Variants in TMEM41B observed in about 807,000 individuals in gnomAD.
TMEM41B encodes protein stasimon.
TMEM41B carries 18 observed loss-of-function variants against 31.9 expected under a neutral mutation model. The ratio of observed to expected loss-of-function variants is 0.56; its 90% CI spans 0.39 to 0.84. TMEM41B has a LOEUF of 0.84. Ranked by LOEUF, TMEM41B falls within the 40% of genes least tolerant of loss-of-function variation. The pLI is 0.00. For missense variants in TMEM41B, 322 were observed against 348.0 expected (o/e 0.93, Z 0.59); for synonymous variants, 144 against 124.3 (o/e 1.16, Z -1.05).
intron 1 of TMEM41B, among the ~76,000 whole-genome samples, chr11:9,308,357 C>T (rs926235805): frequency 2.6e-5 from 4 of 152,082 alleles, no homozygotes; most frequent in Non-Finnish European, 5.9e-5. Flanking sequence ...CAACCTTGGA[C>T]ATTTTAAATC....
chr11:9,311,235 G>A lies in TMEM41B; in HGVS notation c.121+3086C>T. 3.4e-6 allele frequency: 5 copies of A among 1,482,098 alleles called. No individual in the cohort carries two copies. In the South Asian group the frequency reaches 5.6e-5, roughly 17 times the overall value. The allele number at this position is 1,482,098 out of a possible 1,614,324, so 91.8% of individuals were successfully genotyped here. A position where few individuals can be genotyped will look rare whatever the true frequency, so the allele number is the denominator to read the frequency against. On this transcript the variant is annotated intron_variant, in intron 1 of 6. Coordinates refer to ENST00000528080, the MANE Select transcript of TMEM41B (RefSeq NM_015012.4). The stretch of plus-strand genomic sequence containing the variant: ...ACATGGCATCTGAAGCTTGATAGGA[G>A]AGCAGAACTGGTGAGACTTGAGGGA...
chr11:9,314,339 T>C lies in TMEM41B; in HGVS notation c.103A>G (p.Ser35Gly), dbSNP rs376485821. ...AGTRGLAAPG[S>G]RDHQKEKSWV... ...CACTCACCCTTCTGGTGGTCTCTGC[T>C]GCCAGGCGCCGCGAGACCCCGCGTC... The change falls in exon 1 of 7, where the codon AGC (serine) becomes GGC (glycine). Residue 35 changes from serine (S) to glycine (G), a missense_variant. Physicochemically the swap from Ser to Gly is moderately conservative, Grantham distance 56 (BLOSUM62 0). Coordinates refer to ENST00000528080, the MANE Select transcript of TMEM41B (RefSeq NM_015012.4). 3.2e-5 allele frequency: 51 copies of C among 1,597,074 alleles called. No individual in the cohort carries two copies. In the African/African-American group the frequency reaches 5.8e-4, roughly 18 times the overall value.
intron 6 of TMEM41B, 104 bp downstream of exon 6, chr11:9,286,351 G>T: frequency 1.7e-6 from 2 of 1,189,738 alleles, no homozygotes; most frequent in Non-Finnish European, 2.3e-6. Flanking sequence ...ATTCTAGATG[G>T]TGCTGGCATA....
chr11:9,306,543 G>A (rs989731633), intron 1 of TMEM41B, among the ~76,000 whole-genome samples: 1 of 151,994 alleles, frequency 6.6e-6, no homozygotes. Context: ...AAAATTAGCC[G>A]GGCACAGTGG....
chr11:9,294,435 C>A (rs1853036891), intron 3 of TMEM41B, among the ~76,000 whole-genome samples: 1 of 148,668 alleles, frequency 6.7e-6, no homozygotes, highest in African/African-American at 2.5e-5. Context: ...GTGGAGGTTG[C>A]AGTGACCAGA....
chr11:9,301,133 C>T (rs1176574183), intron 1 of TMEM41B, among the ~76,000 whole-genome samples: 2 of 152,032 alleles, frequency 1.3e-5, no homozygotes, highest in East Asian at 1.9e-4. Flanking sequence ...TGATGGCCCA[C>T]GCCTGTAATC....
chr11:9,296,104 G>A (rs930251137), intron 2 of TMEM41B, among the ~76,000 whole-genome samples: 9 of 151,716 alleles, frequency 5.9e-5, no homozygotes, highest in East Asian at 2.0e-4. Context: ...TGATCCACCC[G>A]CCTTGGCCTC....
chr11:9,302,007 G>GT (rs11297732), intron 1 of TMEM41B, among the ~76,000 whole-genome samples: 3,901 of 122,516 alleles, frequency 0.032, 100 homozygotes, highest in Middle Eastern at 0.054. Flanking sequence ...ATTTTTCTCG[G>GT]TTTTTTTTTT....
intron 5 of TMEM41B, among the ~76,000 whole-genome samples, chr11:9,286,981 C>CA (rs1246284830): frequency 6.6e-6 from 1 of 150,774 alleles, no homozygotes; most frequent in Non-Finnish European, 1.5e-5. Context: ...GCTTGGGCAA[C>CA]AAGAGCGAAA....
At chr11:9,292,626 T>C (rs1244753244) in intron 3 of TMEM41B, among the ~76,000 whole-genome samples, 1 of 151,964 alleles carries the variant, frequency 6.6e-6, no homozygotes, top group African/African-American at 2.4e-5. Flanking sequence ...AGAGTTCCAG[T>C]TCGAGACCAG....
At chr11:9,303,933 G>A (rs964125699) in intron 1 of TMEM41B, among the ~76,000 whole-genome samples, 7 of 152,170 alleles carry the variant, frequency 4.6e-5, no homozygotes, top group African/African-American at 1.7e-4. Context: ...CTCCCAAAGT[G>A]TTAGGATTAC....
intron 6 of TMEM41B, among the ~76,000 whole-genome samples, chr11:9,285,500 G>T (rs924781732): frequency 2.6e-5 from 4 of 152,038 alleles, no homozygotes; most frequent in Admixed American, 1.3e-4. Flanking sequence ...AAATCTGCTC[G>T]TATTTTTGAC....
intron 1 of TMEM41B, among the ~76,000 whole-genome samples, chr11:9,303,137 C>T (rs1300835901): frequency 2.7e-5 from 4 of 150,826 alleles, no homozygotes; most frequent in African/African-American, 9.8e-5. Flanking sequence ...CTGCCTCAGC[C>T]TCCCAAGTAG....
chr11:9,284,377 C>G (rs1852789407), intron 6 of TMEM41B, among the ~76,000 whole-genome samples: 1 of 151,804 alleles, frequency 6.6e-6, no homozygotes, highest in Admixed American at 6.6e-5. Flanking sequence ...CTCTGTAACT[C>G]CCAGGCTCAG....
At chr11:9,304,692 T>A (rs1290142831) in intron 1 of TMEM41B, among the ~76,000 whole-genome samples, 1 of 151,460 alleles carries the variant, frequency 6.6e-6, no homozygotes, top group Non-Finnish European at 1.5e-5. Flanking sequence ...GGAGTCTCAC[T>A]CTGTCACCAG....
At chr11:9,311,651 T>C (rs1853565512) in intron 1 of TMEM41B, 3 of 859,432 alleles carry the variant, frequency 3.5e-6, no homozygotes, top group East Asian at 4.9e-5. Context: ...TGGGTGGATA[T>C]GGATTTGGCC....
At position 9,287,824 on chromosome 11, in the gene TMEM41B, C is replaced by A. The variant is rs780798137; in HGVS notation, c.463-18G>T. On this transcript the variant is annotated intron_variant, in intron 4 of 6. Coordinates refer to ENST00000528080, the MANE Select transcript of TMEM41B (RefSeq NM_015012.4). ...CCAGAACACTGGAAAACAAAAGAAG[C>A]CATAAGCGTTTTGTATTTTTCCGTC... 5.4e-5 allele frequency: 84 copies of A among 1,566,606 alleles called. No individual in the cohort carries two copies. Among genetic ancestry groups the A allele is most frequent in the Non-Finnish European group, 6.8e-5 (78 of 1,145,842 alleles).
rs1051886530 is a variant in TMEM41B, at chr11:9,282,012, A to G, written c.*1412T>C. 6.6e-6 allele frequency: 1 copy of G among 152,164 alleles called. No homozygotes were observed. Among genetic ancestry groups the G allele is most frequent in the African/African-American group, 2.4e-5 (1 of 41,440 alleles). The allele number at this position is 152,164 out of a possible 1,614,324, so 9.4% of individuals were successfully genotyped here. Reference sequence around the variant, plus strand: ...TTAACTTAATGTCTAAAAACTACATACTCTTGAATGTTTGCTTTTTAGAGC... The same window carrying G: ...TTAACTTAATGTCTAAAAACTACATGCTCTTGAATGTTTGCTTTTTAGAGC... On this transcript the variant is annotated 3_prime_UTR_variant, in exon 7 of 7. Transcript: ENST00000528080.
intron 1 of TMEM41B, among the ~76,000 whole-genome samples, chr11:9,310,655 CTTTTTTTT>C (rs36061977): frequency 4.6e-5 from 5 of 109,164 alleles, no homozygotes; most frequent in African/African-American, 6.8e-5. Context: ...GTTAAGAGCC[CTTTTTTTT>C]TTTTTTTTTT....
Sources: gnomAD v4.1 joint callset for allele counts (sites outside exome capture counted in the v4.1 genomes callset) on GRCh38, gnomAD v4.1.1 for gene constraint, MANE v1.5 for transcripts, NCBI Gene and HGNC (gene_info 2026-07-23, HGNC 2026-07-21) for gene names.